DUSP22: variants seen among roughly 807,000 people sequenced by gnomAD.
DUSP22 encodes the protein dual specificity protein phosphatase 22.
Under a neutral mutation model 24.5 loss-of-function variants are expected in DUSP22, and 24 were observed. The ratio of observed to expected loss-of-function variants is 0.98; its 90% confidence interval spans 0.71 to 1.38. The LOEUF (loss-of-function observed/expected upper bound fraction) is 1.38. DUSP22 is among the 40% of genes most tolerant of loss of function. DUSP22 has a pLI of 0.00. For missense variants in DUSP22, 330 were observed against 269.2 expected (o/e 1.23, Z -1.58); for synonymous variants, 160 against 106.4 (o/e 1.50, Z -3.10).
chr6:299,486 TC>T (rs1331618137), intron 1 of DUSP22, among the ~76,000 whole-genome samples: 1 of 152,304 alleles, frequency 6.6e-6, no homozygotes, highest in East Asian at 1.9e-4. Flanking sequence ...TTATTTAGTC[TC>T]CTTGAAACCA....
Position 348,867 on chromosome 6 carries a change from A to G in DUSP22, c.534A>G (p.Thr178=), listed in dbSNP as rs753246819. The part of the protein sequence containing the change: ...ILGKYKEQGR[T]EPQPGARRWS... ...GTAAATATAAGGAGCAAGGGCGCAC[A>G]GAGCCCCAGCCCGGCGCCAGGCGGT... The change falls in exon 7 of 7, where the codon ACA becomes ACG. Residue 178 remains threonine (T), a synonymous_variant. Coordinates refer to ENST00000419235, the MANE Select transcript of DUSP22 (RefSeq NM_001286555.3). 5.0e-6 allele frequency: 8 copies of G among 1,614,300 alleles called. No homozygotes were observed. Among genetic ancestry groups the G allele is most frequent in the Non-Finnish European group, 6.8e-6 (8 of 1,180,054 alleles).
intron 1 of DUSP22, among the ~76,000 whole-genome samples, chr6:298,691 A>G (rs2127389378): frequency 6.6e-6 from 1 of 152,300 alleles, no homozygotes; most frequent in East Asian, 1.9e-4. Context: ...TATATTGTCT[A>G]TGCCCAGACG....
In DUSP22 at chr6:311,849, C is replaced by A; in HGVS notation, c.56-31C>A. ...AGGAGTAATTAACTTGCAAAGATATCAAAATGTCCATCCCCTTTCTTCTCT... is the reference window on the plus strand; with the variant it reads ...AGGAGTAATTAACTTGCAAAGATATAAAAATGTCCATCCCCTTTCTTCTCT... On this transcript the variant is annotated intron_variant, in intron 2 of 6. Coordinates refer to ENST00000419235, the MANE Select transcript of DUSP22 (RefSeq NM_001286555.3). 4 of 1,587,808 alleles carry A rather than the reference C, an allele frequency of 2.5e-6. No individual in the cohort carries two copies. In the South Asian group the frequency reaches 3.4e-5, roughly 13 times the overall value.
At chr6:293,481 G>A (rs1261881785) in intron 1 of DUSP22, among the ~76,000 whole-genome samples, 2 of 152,296 alleles carry the variant, frequency 1.3e-5, no homozygotes, top group African/African-American at 4.8e-5. Flanking sequence ...TAGATGAGTC[G>A]TCTTTCTGCT....
At chr6:293,603 C>T (rs960272655) in intron 1 of DUSP22, among the ~76,000 whole-genome samples, 13 of 152,268 alleles carry the variant, frequency 8.5e-5, no homozygotes, top group African/African-American at 2.9e-4. Flanking sequence ...AGCACTGGGT[C>T]AGCAGTGGTT....
chr6:335,239 A>G, intron 4 of DUSP22, 76 bp downstream of exon 4: 1 of 1,569,034 alleles, frequency 6.4e-7, no homozygotes, highest in Non-Finnish European at 8.8e-7. Flanking sequence ...GAGAAGTAGA[A>G]GACTGTGAAG....
chr6:345,921 G>A lies in DUSP22; in HGVS notation c.256G>A (p.Val86Ile). ...CCGGCTCCGCGGTGAGAGCTGCCTTGTACACTGGTACGTGTGTCTCTTGCT... is the reference window on the plus strand; with the variant it reads ...CCGGCTCCGCGGTGAGAGCTGCCTTATACACTGGTACGTGTGTCTCTTGCT... ...ECRLRGESCL[V>I]HCLAGVSRSV... is the part of the protein sequence containing the mutation. The change falls in exon 5 of 7, where the codon GTA (valine) becomes ATA (isoleucine). Residue 86 changes from valine to isoleucine, a missense_variant. By Grantham distance (29) the Val-to-Ile change is conservative. Coordinates refer to ENST00000419235, the MANE Select transcript of DUSP22 (RefSeq NM_001286555.3). The A allele has an allele frequency of 2.5e-6, 4 of 1,614,232 alleles. No homozygotes were observed. Among genetic ancestry groups the A allele is most frequent in the Non-Finnish European group, 3.4e-6 (4 of 1,180,008 alleles).
intron 4 of DUSP22, among the ~76,000 whole-genome samples, chr6:341,434 C>T (rs1019075001): frequency 6.6e-5 from 10 of 152,306 alleles, no homozygotes; most frequent in African/African-American, 9.6e-5. Flanking sequence ...GTTTAATGAC[C>T]AGAGTTGGGG....
intron 2 of DUSP22, 69 bp from the exon 3 acceptor site, chr6:311,810 TC>T: frequency 2.7e-6 from 4 of 1,477,758 alleles, no homozygotes; most frequent in Non-Finnish European, 2.7e-6. Context: ...TTTTTTTTTT[TC>T]TGGCTAGACT....
At chr6:320,576 C>G (rs1758539886) in intron 3 of DUSP22, among the ~76,000 whole-genome samples, 1 of 152,310 alleles carries the variant, frequency 6.6e-6, no homozygotes, top group South Asian at 2.1e-4. Flanking sequence ...GCCAAAGTGC[C>G]TATCATAGAT....
chr6:343,305 C>A (rs1292244411), intron 4 of DUSP22, among the ~76,000 whole-genome samples: 1 of 152,304 alleles, frequency 6.6e-6, no homozygotes, highest in East Asian at 1.9e-4. Flanking sequence ...TGGTCTGCAA[C>A]TTGCCTGGTG....
At chr6:305,959 C>T (rs1757798376) in intron 2 of DUSP22, among the ~76,000 whole-genome samples, 1 of 152,294 alleles carries the variant, frequency 6.6e-6, no homozygotes, top group African/African-American at 2.4e-5. Context: ...TGTCTGTTTC[C>T]ACACACACAC....
At chr6:337,214 A>G (rs1759395777) in intron 4 of DUSP22, 1 of 152,382 alleles carries the variant, frequency 6.6e-6, no homozygotes. Context: ...GATGTTAGAA[A>G]ATCTCAACTG....
At position 350,907 on chromosome 6, in the gene DUSP22, T is replaced by C. The variant is rs775624179; in HGVS notation, c.*1956T>C. The C allele has an allele frequency of 6.2e-7, 1 of 1,612,628 alleles. No individual in the cohort carries two copies. Among genetic ancestry groups the C allele is most frequent in the Non-Finnish European group, 8.5e-7 (1 of 1,178,892 alleles). Reference sequence around the variant, plus strand: ...TCTGAAATATTGCAAACCCACAGAGTTTAGGCTGGTGCTGCCAAAAAGAAA... The same window carrying C: ...TCTGAAATATTGCAAACCCACAGAGCTTAGGCTGGTGCTGCCAAAAAGAAA... On this transcript the variant is annotated 3_prime_UTR_variant, in exon 7 of 7. Coordinates refer to ENST00000419235, the MANE Select transcript of DUSP22 (RefSeq NM_001286555.3).
At chr6:311,826 G>A in intron 2 of DUSP22, 54 bp from the exon 3 acceptor site, 1 of 1,555,060 alleles carries the variant, frequency 6.4e-7, no homozygotes, top group Admixed American at 1.8e-5. Flanking sequence ...TAGACTTTAG[G>A]AGTAATTAAC....
chr6:329,352 T>C (rs1424112222), intron 3 of DUSP22, among the ~76,000 whole-genome samples: 1 of 152,306 alleles, frequency 6.6e-6, no homozygotes, highest in African/African-American at 2.4e-5. Flanking sequence ...AGTTTTACTT[T>C]AGGAGAATGA....
At chr6:324,355 C>G (rs1476524079) in intron 3 of DUSP22, among the ~76,000 whole-genome samples, 1 of 152,306 alleles carries the variant, frequency 6.6e-6, no homozygotes, top group African/African-American at 2.4e-5. Context: ...CCCGCTCATC[C>G]TTAATCAGAG....
intron 3 of DUSP22, among the ~76,000 whole-genome samples, chr6:321,276 C>T (rs1383815484): frequency 6.6e-6 from 1 of 152,294 alleles, no homozygotes. Context: ...ACTGGAAAAG[C>T]AGGCTCAGAG....
chr6:308,797 A>T (rs1757940379), intron 2 of DUSP22, among the ~76,000 whole-genome samples: 1 of 152,308 alleles, frequency 6.6e-6, no homozygotes, highest in African/African-American at 2.4e-5. Context: ...TTATATCCCA[A>T]TAAAGCTTTG....
Sources: allele counts gnomAD v4.1 joint callset (sites outside exome capture counted in the v4.1 genomes callset), GRCh38; gene constraint gnomAD v4.1.1; transcripts MANE v1.5; gene names NCBI Gene and HGNC (gene_info 2026-07-23, HGNC 2026-07-21).